Variants in LCLAT1 observed in about 807,000 individuals in gnomAD.
LCLAT1 encodes the protein lysocardiolipin acyltransferase 1, also known as 1-AGP acyltransferase 8.
LCLAT1 carries 11 observed loss-of-function variants against 30.7 expected under a neutral mutation model. The observed-to-expected ratio is 0.36, with a 90% CI of 0.23 to 0.59. LCLAT1 has a LOEUF of 0.59. LCLAT1 is among the 20% of genes least tolerant of loss of function. LCLAT1 has a pLI of 0.77. For missense variants in LCLAT1, 402 were observed against 458.6 expected (o/e 0.88, Z 1.13); for synonymous variants, 155 against 151.3 (o/e 1.02, Z -0.18).
At position 30,501,055 on chromosome 2, in the gene LCLAT1, C is replaced by T. The variant is rs187641474; in HGVS notation, c.-4-24532C>T. Among the ~76,000 whole-genome samples, 8 of 146,176 alleles carry T rather than the reference C, an allele frequency of 5.5e-5. No homozygotes were observed. The East Asian group carries it at 6.1e-4, about 11-fold the overall frequency. Reference sequence around the variant, plus strand: ...CCTCTTCCTTACCACTCCCTAATTCCGTTTTTTGTTTTGTTTTGTTCTGTG... The same window carrying T: ...CCTCTTCCTTACCACTCCCTAATTCTGTTTTTTGTTTTGTTTTGTTCTGTG... On this transcript the variant is annotated intron_variant, in intron 1 of 5. Coordinates refer to ENST00000379509, the MANE Select transcript of LCLAT1 (RefSeq NM_001002257.3).
chr2:30,570,609 TC>T (rs950014495), intron 5 of LCLAT1, among the ~76,000 whole-genome samples: 7 of 152,240 alleles, frequency 4.6e-5, no homozygotes, highest in African/African-American at 1.7e-4. Context: ...TCTTGTTCTT[TC>T]TACTGTAACT....
intron 3 of LCLAT1, among the ~76,000 whole-genome samples, chr2:30,559,768 G>A (rs937569759): frequency 6.6e-5 from 10 of 152,038 alleles, no homozygotes; most frequent in Non-Finnish European, 2.9e-5. Flanking sequence ...GTTTTCATGT[G>A]GCTCTTGCAA....
intron 2 of LCLAT1, among the ~76,000 whole-genome samples, chr2:30,532,180 G>T (rs1686012461): frequency 6.6e-6 from 1 of 151,972 alleles, no homozygotes; most frequent in African/African-American, 2.4e-5. Flanking sequence ...TATCTTTCAT[G>T]TTGCTGTAGG....
At chr2:30,604,057 A>C (rs1301796111) in intron 5 of LCLAT1, among the ~76,000 whole-genome samples, 1 of 148,248 alleles carries the variant, frequency 6.7e-6, no homozygotes, top group African/African-American at 2.6e-5. Context: ...AAGAATTATG[A>C]TATAACTATA....
chr2:30,511,031 C>CT lies in LCLAT1; in HGVS notation c.-4-14548dup, dbSNP rs528098820. On this transcript the variant is annotated intron_variant, in intron 1 of 5. Transcript: ENST00000379509. The stretch of plus-strand genomic sequence containing the variant: ...GAATAGTTTATTTCCTTCAAGTATA[C>CT]TTTTTTTTCTGTTTAATTTAGTCTC... Among the ~76,000 whole-genome samples the CT allele has an allele frequency of 5.9e-5, 9 of 151,988 alleles. No individual in the cohort carries two copies. The South Asian group carries it at 6.2e-4, about 11-fold the overall frequency.
chr2:30,505,252 G>T (rs965334768), intron 1 of LCLAT1, among the ~76,000 whole-genome samples: 1 of 151,534 alleles, frequency 6.6e-6, no homozygotes, highest in Non-Finnish European at 1.5e-5. Flanking sequence ...CTCTAAACTG[G>T]GTATACCACT....
At chr2:30,571,331 A>G (rs927477217) in intron 5 of LCLAT1, among the ~76,000 whole-genome samples, 11 of 152,202 alleles carry the variant, frequency 7.2e-5, no homozygotes. Flanking sequence ...TGCAGGTTAC[A>G]TATATAGTGT....
chr2:30,580,578 G>A (rs1006938927), intron 5 of LCLAT1, among the ~76,000 whole-genome samples: 1 of 152,098 alleles, frequency 6.6e-6, no homozygotes, highest in Non-Finnish European at 1.5e-5. Context: ...CTGGGGTGTA[G>A]ACAACAGAAA....
At position 30,640,471 on chromosome 2, in the gene LCLAT1, T is replaced by C; in HGVS notation, c.983T>C (p.Leu328Ser). The change falls in exon 6 of 6, where the codon TTG becomes TCG. Residue 328 changes from leucine to serine, a missense_variant. Physicochemically the swap from Leu to Ser is moderately radical, Grantham distance 145 (BLOSUM62 -2). Coordinates refer to ENST00000379509, the MANE Select transcript of LCLAT1 (RefSeq NM_001002257.3). ...FSPAMCLLIY[L>S]YSLVKWYFII... ...CCTGCAATGTGCCTACTCATATATT[T>C]GTACAGTCTTGTTAAGTGGTATTTT... The C allele has an allele frequency of 2.5e-6, 4 of 1,614,180 alleles. No homozygotes were observed. The highest frequency in any genetic ancestry group is 3.4e-6 in the Non-Finnish European group (4 of 1,179,998).
In LCLAT1 at chr2:30,565,298, T is replaced by G. The variant is rs145761993; in HGVS notation, c.512-2762T>G. Among the ~76,000 whole-genome samples the G allele has an allele frequency of 1.8e-3, 276 of 152,264 alleles. 1 individual carries two copies. Among genetic ancestry groups the G allele is most frequent in the African/African-American group, 6.2e-3 (258 of 41,546 alleles). On this transcript the variant is annotated intron_variant, in intron 4 of 5. Transcript: ENST00000379509. ...GCCAAAGGCAGTCTAGAGGCAGAAT[T>G]CTTTCTTCCTTGTTGGGGAGAGGAG...
At chr2:30,615,399 G>A (rs1667949417) in intron 5 of LCLAT1, among the ~76,000 whole-genome samples, 1 of 152,158 alleles carries the variant, frequency 6.6e-6, no homozygotes, top group Non-Finnish European at 1.5e-5. Context: ...AGTGAAATAG[G>A]ATGAGAATGA....
intron 1 of LCLAT1, among the ~76,000 whole-genome samples, chr2:30,524,900 G>T (rs1230550184): frequency 6.6e-6 from 1 of 152,052 alleles, no homozygotes; most frequent in Non-Finnish European, 1.5e-5. Flanking sequence ...ATCCAAAGTG[G>T]GGACCGTTGT....
intron 3 of LCLAT1, 145 bp from the exon 4 acceptor site, chr2:30,562,001 C>T (rs1028729256): frequency 4.4e-6 from 2 of 454,036 alleles, no homozygotes; most frequent in Non-Finnish European, 7.5e-6. Flanking sequence ...AACCCAAGAT[C>T]AGTGCTGAAT....
chr2:30,461,080 C>T (rs1281856319), intron 1 of LCLAT1, among the ~76,000 whole-genome samples: 5 of 152,268 alleles, frequency 3.3e-5, no homozygotes, highest in African/African-American at 7.2e-5. Flanking sequence ...CTGTGAGAAT[C>T]GTTGAAACTG....
chr2:30,586,582 A>T (rs904551623), intron 5 of LCLAT1, among the ~76,000 whole-genome samples: 1 of 152,220 alleles, frequency 6.6e-6, no homozygotes. Context: ...GTAAAGTCAC[A>T]TTCTGGGGTT....
At chr2:30,452,987 G>T (rs1243253114) in intron 1 of LCLAT1, among the ~76,000 whole-genome samples, 5 of 152,152 alleles carry the variant, frequency 3.3e-5, no homozygotes, top group Admixed American at 6.5e-5. Context: ...TAGCTGCCTT[G>T]TCTGCAGCTT....
At chr2:30,539,941 A>C (rs1664049542) in intron 3 of LCLAT1, among the ~76,000 whole-genome samples, 1 of 152,230 alleles carries the variant, frequency 6.6e-6, no homozygotes, top group Admixed American at 6.5e-5. Context: ...TAAATTATGA[A>C]ACCTGGTCTG....
At chr2:30,541,762 C>G (rs548971623) in intron 3 of LCLAT1, among the ~76,000 whole-genome samples, 1 of 152,284 alleles carries the variant, frequency 6.6e-6, no homozygotes, top group East Asian at 1.9e-4. Flanking sequence ...CACCCAAACC[C>G]CTGGATAATA....
At chr2:30,504,172 AC>A (rs1421409674) in intron 1 of LCLAT1, among the ~76,000 whole-genome samples, 1 of 152,130 alleles carries the variant, frequency 6.6e-6, no homozygotes, top group East Asian at 1.9e-4. Context: ...ACAACATATT[AC>A]ACATAATATG....
Sources: allele counts gnomAD v4.1 joint callset (sites outside exome capture counted in the v4.1 genomes callset), GRCh38; gene constraint gnomAD v4.1.1; transcripts MANE v1.5; gene names NCBI Gene and HGNC (gene_info 2026-07-23, HGNC 2026-07-21).